The following EHBP1 variants were observed in gnomAD, a reference collection of about 807,000 sequenced individuals.
EHBP1 encodes the protein EH domain binding protein 1, also known as EH domain-binding protein 1.
EHBP1 carries 55 observed loss-of-function variants against 144.0 expected under a neutral mutation model. That is an observed-to-expected ratio of 0.38 (90% CI 0.31 to 0.48). The LOEUF is 0.48. EHBP1 is among the 20% of genes least tolerant of loss of function. EHBP1 has a pLI of 0.98. For synonymous variants in EHBP1, 469 were observed against 472.7 expected, an observed-to-expected ratio of 0.99 and a Z score of 0.10; for missense variants, 1,200 against 1,364.2, an observed-to-expected ratio of 0.88 and a Z score of 1.90.
intron 12 of EHBP1, among the ~76,000 whole-genome samples, chr2:62,946,681 C>CT (rs963482138): frequency 6.6e-6 from 1 of 152,154 alleles, no homozygotes; most frequent in African/African-American, 2.4e-5. Flanking sequence ...AGAAAGACCT[C>CT]TTTTTTCACC....
chr2:62,830,153 GACACACACACACACACACAC>G lies in EHBP1; in HGVS notation c.495-842_495-823del, dbSNP rs368948717. 6.8e-5 allele frequency among the ~76,000 whole-genome samples: 9 copies of G among 132,166 alleles called. No individual in the cohort carries two copies. The East Asian group carries it at 8.7e-4, about 13-fold the overall frequency. The allele number at this position is 132,166 out of a possible 152,430, so 86.7% of individuals were successfully genotyped here. A position where few individuals can be genotyped will look rare whatever the true frequency, so the allele number is the denominator to read the frequency against. On this transcript the variant is annotated intron_variant, in intron 6 of 22. Transcript: ENST00000431489. ...TGGTGCATATATATATATATATATA[GACACACACACACACACACAC>G]ACACACACACACACACACACACATA... is the stretch of plus-strand genomic sequence containing the variant.
intron 10 of EHBP1, among the ~76,000 whole-genome samples, chr2:62,923,751 A>C (rs1261230712): frequency 6.6e-6 from 1 of 152,138 alleles, no homozygotes; most frequent in Non-Finnish European, 1.5e-5. Flanking sequence ...GAGGCCTAAG[A>C]AGCAACTTTG....
intron 1 of EHBP1, among the ~76,000 whole-genome samples, chr2:62,688,247 A>G (rs1212322412): frequency 6.6e-6 from 1 of 152,184 alleles, no homozygotes; most frequent in Non-Finnish European, 1.5e-5. Flanking sequence ...TTTAATCAGC[A>G]ATGTTATATA....
intron 3 of EHBP1, among the ~76,000 whole-genome samples, chr2:62,751,846 G>T (rs78784525): frequency 0.34 from 51,532 of 151,692 alleles, 8,794 homozygotes; most frequent in Middle Eastern, 0.44. Context: ...TTTATCATTT[G>T]TATTGTGTCT....
chr2:62,774,791 G>T (rs1266614781), intron 5 of EHBP1, among the ~76,000 whole-genome samples: 1 of 152,144 alleles, frequency 6.6e-6, no homozygotes, highest in Non-Finnish European at 1.5e-5. Flanking sequence ...GCTGCAGTGA[G>T]CTGTGATCGT....
chr2:62,810,302 G>A (rs894970556), intron 5 of EHBP1, among the ~76,000 whole-genome samples: 1 of 152,166 alleles, frequency 6.6e-6, no homozygotes, highest in African/African-American at 2.4e-5. Flanking sequence ...ATGAAACCGA[G>A]GTGTGTGTGA....
chr2:62,990,684 T>G (rs1369775256), intron 15 of EHBP1, 32 bp from the exon 16 acceptor site: 3 of 1,608,740 alleles, frequency 1.9e-6, no homozygotes, highest in South Asian at 1.1e-5. Flanking sequence ...TGCATCTCAC[T>G]CAGTTATTCA....
intron 13 of EHBP1, 38 bp downstream of exon 13, chr2:62,949,200 T>C: frequency 6.8e-7 from 1 of 1,462,800 alleles, no homozygotes; most frequent in South Asian, 1.4e-5. Flanking sequence ...TATTTAGTAA[T>C]TAGTTATTCT....
chr2:62,941,086 A>G (rs555034109), intron 10 of EHBP1, among the ~76,000 whole-genome samples: 1 of 152,190 alleles, frequency 6.6e-6, no homozygotes, highest in Non-Finnish European at 1.5e-5. Context: ...ATAATTTGAT[A>G]TAGAAAAACA....
intron 10 of EHBP1, among the ~76,000 whole-genome samples, chr2:62,926,836 C>T (rs1394719983): frequency 1.3e-5 from 2 of 152,068 alleles, no homozygotes; most frequent in Non-Finnish European, 2.9e-5. Flanking sequence ...CCTCCTACTA[C>T]TGAGTATTTA....
chr2:62,979,903 G>T (rs986674511), intron 15 of EHBP1, among the ~76,000 whole-genome samples: 1 of 151,970 alleles, frequency 6.6e-6, no homozygotes, highest in African/African-American at 2.4e-5. Context: ...TAAAATTAAA[G>T]AAAATTTTAA....
intron 21 of EHBP1, among the ~76,000 whole-genome samples, chr2:63,043,559 C>T (rs1476367484): frequency 6.6e-6 from 1 of 152,106 alleles, no homozygotes; most frequent in Non-Finnish European, 1.5e-5. Context: ...GCTTTTCTAA[C>T]CTTTATTGCA....
chr2:62,757,928 C>T (rs187900347), intron 3 of EHBP1, among the ~76,000 whole-genome samples: 3 of 151,586 alleles, frequency 2.0e-5, no homozygotes, highest in Admixed American at 6.6e-5. Flanking sequence ...AGGAGAATGG[C>T]GTGAACCCAG....
chr2:62,796,398 A>G (rs1337943760), intron 5 of EHBP1, among the ~76,000 whole-genome samples: 1 of 152,166 alleles, frequency 6.6e-6, no homozygotes, highest in African/African-American at 2.4e-5. Context: ...TAGATTGTGG[A>G]TCAAGATGAC....
At chr2:62,821,980 C>T (rs1170758653) in intron 5 of EHBP1, among the ~76,000 whole-genome samples, 2 of 152,090 alleles carry the variant, frequency 1.3e-5, no homozygotes, top group Non-Finnish European at 2.9e-5. Context: ...GTGTTACAAA[C>T]AATCCAATTC....
chr2:62,776,818 T>G (rs2042084611), intron 5 of EHBP1, among the ~76,000 whole-genome samples: 1 of 152,224 alleles, frequency 6.6e-6, no homozygotes, highest in South Asian at 2.1e-4. Context: ...GAATAACATC[T>G]GTTCATCCAG....
intron 2 of EHBP1, among the ~76,000 whole-genome samples, chr2:62,731,691 A>T (rs1018746350): frequency 1.3e-5 from 2 of 152,156 alleles, no homozygotes; most frequent in Non-Finnish European, 2.9e-5. Context: ...GATATGATGG[A>T]TTACAATGAT....
intron 11 of EHBP1, among the ~76,000 whole-genome samples, chr2:62,943,471 A>G (rs71422365): frequency 3.3e-5 from 5 of 151,868 alleles, no homozygotes; most frequent in Admixed American, 6.6e-5. Flanking sequence ...TTAAAATGAG[A>G]TGAGACAAAT....
chr2:62,921,763 A>G (rs2055106169), intron 10 of EHBP1, among the ~76,000 whole-genome samples: 2 of 152,346 alleles, frequency 1.3e-5, no homozygotes, highest in South Asian at 4.1e-4. Context: ...AAACTTAATT[A>G]CTAATTATCT....
Sources: gnomAD v4.1 joint callset for allele counts (sites outside exome capture counted in the v4.1 genomes callset) on GRCh38, gnomAD v4.1.1 for gene constraint, MANE v1.5 for transcripts, NCBI Gene and HGNC (gene_info 2026-07-23, HGNC 2026-07-21) for gene names.